The following FILIP1L variants were observed in gnomAD, a reference collection of about 807,000 sequenced individuals.
FILIP1L encodes filamin A-interacting protein 1-like.
FILIP1L carries 55 observed loss-of-function variants against 96.6 expected under a neutral mutation model. The ratio of observed to expected loss-of-function variants is 0.57; its 90% CI spans 0.46 to 0.71. The LOEUF is 0.71. Among genes scored for constraint, FILIP1L ranks in the 30% least tolerant of loss-of-function variants. The pLI is 0.00. For synonymous variants in FILIP1L, 467 were observed against 473.9 expected (o/e 0.99, Z 0.19); for missense variants, 1,304 against 1,321.2 (o/e 0.99, Z 0.20).
chr3:99,983,255 C>T (rs1709179785), intron 1 of FILIP1L, among the ~76,000 whole-genome samples: 2 of 150,984 alleles, frequency 1.3e-5, no homozygotes, highest in East Asian at 1.9e-4. Flanking sequence ...AAGTACCAGC[C>T]GGGCACAGTG....
At chr3:100,046,441 A>C (rs1017540430) in intron 1 of FILIP1L, among the ~76,000 whole-genome samples, 3 of 150,130 alleles carry the variant, frequency 2.0e-5, no homozygotes, top group African/African-American at 7.3e-5. Context: ...TTTTTTTTTA[A>C]GTTTACTAGT....
chr3:100,098,696 A>G (rs2066254823), intron 1 of FILIP1L, among the ~76,000 whole-genome samples: 1 of 152,230 alleles, frequency 6.6e-6, no homozygotes. Context: ...GTAGCATAGC[A>G]GTGCCTTCTG....
chr3:99,832,267 A>G (rs929933616), intron 5 of FILIP1L, among the ~76,000 whole-genome samples: 20 of 139,306 alleles, frequency 1.4e-4, no homozygotes, highest in Non-Finnish European at 2.7e-4. Flanking sequence ...GTCTCGCTGT[A>G]TCACCCAGAC....
intron 1 of FILIP1L, among the ~76,000 whole-genome samples, chr3:99,976,485 A>G (rs767693946): frequency 3.9e-5 from 6 of 152,188 alleles, no homozygotes; most frequent in Non-Finnish European, 8.8e-5. Context: ...AGTAGGACCC[A>G]TGGTGGACCT....
At chr3:100,076,394 C>A (rs1304237885) in intron 1 of FILIP1L, among the ~76,000 whole-genome samples, 4 of 152,236 alleles carry the variant, frequency 2.6e-5, no homozygotes, top group African/African-American at 4.8e-5. Context: ...TTACTCACCA[C>A]CCGCCCAACA....
rs975594922 is a variant in FILIP1L at position 99,828,969 on chromosome 3, T to A, written c.*1445A>T. On this transcript the variant is annotated 3_prime_UTR_variant, in exon 6 of 6. Coordinates refer to ENST00000477258, the MANE Select transcript of FILIP1L (RefSeq NM_001387850.1). ...CCCTCTCAATGCTGCCCATCATCCC[T>A]TTCAATGCTGCCCAGGCCTCTAGCT... Among the ~76,000 whole-genome samples, 3 of 152,100 alleles carry A rather than the reference T, an allele frequency of 2.0e-5. No homozygotes were observed. The highest frequency in any genetic ancestry group is 4.8e-5 in the African/African-American group (2 of 41,414).
intron 1 of FILIP1L, among the ~76,000 whole-genome samples, chr3:100,010,707 C>T (rs1263266237): frequency 4.1e-5 from 6 of 146,052 alleles, no homozygotes; most frequent in East Asian, 2.0e-4. Context: ...TTCTACCTCC[C>T]GGGTTCAAGC....
rs371929412 is a variant in FILIP1L at position 99,964,677 on chromosome 3, T to C, written c.-10-33647A>G. Among the ~76,000 whole-genome samples, 6 of 152,232 alleles carry C rather than the reference T, an allele frequency of 3.9e-5. No homozygotes were observed. The South Asian group carries it at 1.2e-3, about 32-fold the overall frequency. Reference sequence around the variant, plus strand: ...TTCCCAACCTGTTTCTCAATATGGCTCACAGAGAAGCTGGGAATATTTGTC... The same window carrying C: ...TTCCCAACCTGTTTCTCAATATGGCCCACAGAGAAGCTGGGAATATTTGTC... On this transcript the variant is annotated intron_variant, in intron 1 of 5. Transcript: ENST00000477258.
intron 1 of FILIP1L, among the ~76,000 whole-genome samples, chr3:100,105,365 A>G (rs1159436817): frequency 2.0e-5 from 3 of 152,180 alleles, no homozygotes; most frequent in Non-Finnish European, 4.4e-5. Flanking sequence ...TTTTAGACAC[A>G]TATTTCTCAC....
chr3:99,989,432 C>T (rs1709447076), intron 1 of FILIP1L, among the ~76,000 whole-genome samples: 1 of 152,098 alleles, frequency 6.6e-6, no homozygotes, highest in South Asian at 2.1e-4. Flanking sequence ...TACTGTGTCC[C>T]CCACATTTTC....
chr3:99,949,382 T>A (rs537516272), intron 1 of FILIP1L, among the ~76,000 whole-genome samples: 96 of 152,370 alleles, frequency 6.3e-4, no homozygotes, highest in African/African-American at 2.1e-3. Context: ...TATTTAAATA[T>A]ACTTAGGATT....
At chr3:100,094,441 G>T (rs923946479) in intron 1 of FILIP1L, among the ~76,000 whole-genome samples, 1 of 152,042 alleles carries the variant, frequency 6.6e-6, no homozygotes, top group Non-Finnish European at 1.5e-5. Flanking sequence ...TTGATACAGT[G>T]TAACTTATCA....
chr3:99,868,058 G>A (rs988601589), intron 4 of FILIP1L, among the ~76,000 whole-genome samples: 4 of 152,182 alleles, frequency 2.6e-5, no homozygotes, highest in African/African-American at 9.7e-5. Flanking sequence ...GTAAAGATTT[G>A]TCTTACAGAT....
chr3:100,048,835 TA>T (rs935298352), intron 1 of FILIP1L, among the ~76,000 whole-genome samples: 3 of 151,656 alleles, frequency 2.0e-5, no homozygotes, highest in African/African-American at 7.3e-5. Context: ...TTTTACTCTT[TA>T]AAAAAAAATC....
intron 1 of FILIP1L, among the ~76,000 whole-genome samples, chr3:100,059,890 T>C (rs1450914365): frequency 6.6e-6 from 1 of 152,204 alleles, no homozygotes; most frequent in Admixed American, 6.5e-5. Flanking sequence ...AAAACATGCA[T>C]GTGGACTGGA....
At chr3:100,091,513 A>G (rs1321491380) in intron 1 of FILIP1L, among the ~76,000 whole-genome samples, 2 of 152,256 alleles carry the variant, frequency 1.3e-5, no homozygotes, top group Non-Finnish European at 2.9e-5. Flanking sequence ...TTTGCAGCAC[A>G]AGCCTTCTAC....
chr3:100,004,067 C>G (rs1211662615), intron 1 of FILIP1L, among the ~76,000 whole-genome samples: 4 of 152,166 alleles, frequency 2.6e-5, no homozygotes, highest in Non-Finnish European at 1.5e-5. Flanking sequence ...GTTACCAAAA[C>G]TGGAGGCAAA....
intron 1 of FILIP1L, among the ~76,000 whole-genome samples, chr3:100,107,896 G>T: frequency 6.9e-6 from 1 of 144,180 alleles, no homozygotes. Context: ...AAAAAAAAAA[G>T]TTACTTGCTT....
rs149669856 is a variant in FILIP1L at position 100,091,343 on chromosome 3, A to G, written c.-11+22710T>C. Among the ~76,000 whole-genome samples the G allele has an allele frequency of 3.7e-3, 557 of 151,984 alleles. 3 individuals carry two copies. The highest frequency in any genetic ancestry group is 5.4e-3 in the Non-Finnish European group (366 of 67,944). The stretch of plus-strand genomic sequence containing the variant: ...GCCTTTAAGGGGTGTGCATGTATGT[A>G]TGTGTATGTATGTTCACCTTCTTCT... On this transcript the variant is annotated intron_variant, in intron 1 of 5. Transcript: ENST00000477258.
Sources: allele counts gnomAD v4.1 joint callset (sites outside exome capture counted in the v4.1 genomes callset), GRCh38; gene constraint gnomAD v4.1.1; transcripts MANE v1.5; gene names NCBI Gene and HGNC (gene_info 2026-07-23, HGNC 2026-07-21).